The following PDZD2 variants were observed in gnomAD, a reference collection of about 807,000 sequenced individuals.
PDZD2 encodes PDZ domain-containing protein 2.
In PDZD2, 90 loss-of-function variants were observed where a neutral mutation model predicts 220.7. The ratio of observed to expected loss-of-function variants is 0.41; its 90% confidence interval spans 0.34 to 0.49. PDZD2 has a LOEUF of 0.49. Ranked by LOEUF, PDZD2 falls within the 20% of genes least tolerant of loss-of-function variation. The pLI, the probability that PDZD2 is intolerant of heterozygous loss-of-function variation, is 0.28. For missense variants in PDZD2, 3,174 were observed against 3,608.5 expected (o/e 0.88, Z 3.08); for synonymous variants, 1,375 against 1,450.5 (o/e 0.95, Z 1.18).
chr5:31,943,982 A>G (rs758446401), intron 2 of PDZD2, among the ~76,000 whole-genome samples: 7 of 152,236 alleles, frequency 4.6e-5, no homozygotes, highest in African/African-American at 7.2e-5. Flanking sequence ...TGTAGCAGAT[A>G]AATCCCAATA....
At chr5:31,671,514 C>A (rs1163040855) in intron 1 of PDZD2, among the ~76,000 whole-genome samples, 1 of 152,178 alleles carries the variant, frequency 6.6e-6, no homozygotes, top group African/African-American at 2.4e-5. Flanking sequence ...GCGGCACAAC[C>A]TCTAAGCCAT....
intron 2 of PDZD2, among the ~76,000 whole-genome samples, chr5:31,877,205 GTTTT>G (rs796937643): frequency 4.6e-5 from 7 of 152,000 alleles, no homozygotes; most frequent in African/African-American, 1.7e-4. Flanking sequence ...TCAGAAAGTT[GTTTT>G]TTTGTTTGTT....
chr5:31,881,352 G>GTA (rs1201683204), intron 2 of PDZD2, among the ~76,000 whole-genome samples: 3 of 139,568 alleles, frequency 2.1e-5, no homozygotes, highest in Non-Finnish European at 3.0e-5. Flanking sequence ...GTGTGTGTGT[G>GTA]TGTGTGTGTG....
At chr5:31,812,297 C>T (rs1211594078) in intron 2 of PDZD2, among the ~76,000 whole-genome samples, 1 of 152,002 alleles carries the variant, frequency 6.6e-6, no homozygotes, top group Non-Finnish European at 1.5e-5. Flanking sequence ...AATTTTTTAT[C>T]TTTAAAAAAA....
intron 1 of PDZD2, among the ~76,000 whole-genome samples, chr5:31,652,310 A>G (rs973914617): frequency 6.6e-6 from 1 of 152,116 alleles, no homozygotes; most frequent in African/African-American, 2.4e-5. Flanking sequence ...GATATTTTAA[A>G]TAACTCTTTC....
intron 2 of PDZD2, chr5:31,848,035 G>T: frequency 2.7e-6 from 1 of 367,520 alleles, no homozygotes; most frequent in South Asian, 2.6e-5. Flanking sequence ...AGAAGCCTAA[G>T]AAAGAAGTTG....
intron 2 of PDZD2, among the ~76,000 whole-genome samples, chr5:31,914,147 G>T (rs972557155): frequency 6.6e-6 from 1 of 152,158 alleles, no homozygotes; most frequent in African/African-American, 2.4e-5. Flanking sequence ...ATGCCTACAC[G>T]GCTCCAAAAC....
At chr5:31,882,545 C>T (rs1740023526) in intron 2 of PDZD2, among the ~76,000 whole-genome samples, 2 of 152,182 alleles carry the variant, frequency 1.3e-5, no homozygotes, top group African/African-American at 4.8e-5. Context: ...TTTCTGCCTG[C>T]CTTCCACTTT....
chr5:31,844,875 T>C (rs758018159), intron 2 of PDZD2, among the ~76,000 whole-genome samples: 3 of 152,112 alleles, frequency 2.0e-5, no homozygotes, highest in Admixed American at 6.6e-5. Context: ...TTTCTGCTTC[T>C]GAGTTTACGT....
intron 19 of PDZD2, among the ~76,000 whole-genome samples, chr5:32,086,012 G>A (rs1020678652): frequency 2.6e-5 from 4 of 151,900 alleles, no homozygotes; most frequent in African/African-American, 9.7e-5. Context: ...AACTCCCCTT[G>A]TCAGCCCCAT....
At chr5:31,999,732 T>C (rs1053271098) in intron 4 of PDZD2, among the ~76,000 whole-genome samples, 24 of 152,100 alleles carry the variant, frequency 1.6e-4, no homozygotes, top group African/African-American at 5.8e-4. Context: ...GGGCTTAGGA[T>C]ACCTCTGCTG....
intron 2 of PDZD2, among the ~76,000 whole-genome samples, chr5:31,848,873 C>A (rs1432507515): frequency 6.6e-6 from 1 of 152,190 alleles, no homozygotes; most frequent in East Asian, 1.9e-4. Flanking sequence ...CACGGTGAAA[C>A]CCCGTCTCTA....
intron 1 of PDZD2, among the ~76,000 whole-genome samples, chr5:31,763,648 C>T (rs992395850): frequency 2.6e-5 from 4 of 152,104 alleles, no homozygotes; most frequent in East Asian, 3.9e-4. Flanking sequence ...GCCCCAGACC[C>T]TCTTTCCTGG....
intron 1 of PDZD2, among the ~76,000 whole-genome samples, chr5:31,653,460 G>T (rs546422772): frequency 1.3e-5 from 2 of 152,274 alleles, no homozygotes; most frequent in East Asian, 3.9e-4. Context: ...AATCCATGAA[G>T]ATCCCCATAG....
intron 5 of PDZD2, among the ~76,000 whole-genome samples, chr5:32,002,657 TAC>T (rs70957990): frequency 0.3 from 22,805 of 76,528 alleles, 2,768 homozygotes; most frequent in Admixed American, 0.38. Flanking sequence ...CCCCACATAC[TAC>T]ACACACACAC....
At chr5:31,918,663 C>T (rs1462252967) in intron 2 of PDZD2, among the ~76,000 whole-genome samples, 4 of 152,154 alleles carry the variant, frequency 2.6e-5, no homozygotes, top group African/African-American at 7.2e-5. Flanking sequence ...AGACTTGGCT[C>T]ATCCCTAGCC....
At chr5:31,664,293 G>T (rs745638406) in intron 1 of PDZD2, among the ~76,000 whole-genome samples, 1 of 151,868 alleles carries the variant, frequency 6.6e-6, no homozygotes, top group Non-Finnish European at 1.5e-5. Flanking sequence ...ACGCACCACC[G>T]CACCCAGCTG....
At chr5:32,019,317 T>C (rs1023670231) in intron 6 of PDZD2, among the ~76,000 whole-genome samples, 1 of 152,090 alleles carries the variant, frequency 6.6e-6, no homozygotes, top group African/African-American at 2.4e-5. Flanking sequence ...AATTTCTTTG[T>C]ATATTTTGTA....
chr5:32,044,714 G>A (rs1737760763), intron 7 of PDZD2, among the ~76,000 whole-genome samples: 1 of 152,184 alleles, frequency 6.6e-6, no homozygotes, highest in Non-Finnish European at 1.5e-5. Flanking sequence ...GAATTTTTGG[G>A]TGGGAGATGA....
Sources: allele counts gnomAD v4.1 joint callset (sites outside exome capture counted in the v4.1 genomes callset), GRCh38; gene constraint gnomAD v4.1.1; transcripts MANE v1.5; gene names NCBI Gene and HGNC (gene_info 2026-07-23, HGNC 2026-07-21).